The following BFSP2 variants were observed in gnomAD, a reference collection of about 807,000 sequenced individuals.
BFSP2 encodes beaded filament structural protein 2, also known as phakinin.
In BFSP2, 38 loss-of-function variants were observed where a neutral mutation model predicts 44.9. The observed-to-expected ratio is 0.85, with a 90% confidence interval of 0.65 to 1.11. The LOEUF is 1.11. Ranked by LOEUF, BFSP2 falls within the 50% of genes least tolerant of loss-of-function variation. The pLI is 0.00. For missense variants in BFSP2, 525 were observed against 533.0 expected (o/e 0.99, Z 0.15); for synonymous variants, 197 against 209.9 (o/e 0.94, Z 0.53).
At chr3:133,464,796 A>G (rs893827504) in intron 4 of BFSP2, among the ~76,000 whole-genome samples, 7 of 152,108 alleles carry the variant, frequency 4.6e-5, no homozygotes, top group Non-Finnish European at 7.4e-5. Flanking sequence ...TCTGTGTTCC[A>G]TGGGCAGAAA....
chr3:133,455,038 G>A (rs1323344371), intron 4 of BFSP2, among the ~76,000 whole-genome samples: 1 of 152,174 alleles, frequency 6.6e-6, no homozygotes, highest in Non-Finnish European at 1.5e-5. Context: ...TGACATGTGT[G>A]GAGCTTTCAG....
intron 4 of BFSP2, among the ~76,000 whole-genome samples, chr3:133,460,862 G>C (rs2074055937): frequency 6.6e-6 from 1 of 152,224 alleles, no homozygotes; most frequent in Admixed American, 6.5e-5. Flanking sequence ...CTCATATAAA[G>C]CAATTGATCA....
chr3:133,446,570 TTATATATATATATATATATATATATATA>T (rs1168844039), intron 1 of BFSP2, among the ~76,000 whole-genome samples: 228 of 22,346 alleles, frequency 0.01, no homozygotes, highest in Non-Finnish European at 0.022. Flanking sequence ...AGCTCACCAT[TTATATATATATATATATATATATATATA>T]TATATATATA....
chr3:133,400,936 T>G lies in BFSP2; in HGVS notation c.489+364T>G, dbSNP rs1441710507. ...ACCTGAATTTTTGTGCCTCCAAAGT[T>G]GCATTTGCCCCATTACCCTGGGGCT... On this transcript the variant is annotated intron_variant, in intron 1 of 6. Coordinates refer to ENST00000302334, the MANE Select transcript of BFSP2 (RefSeq NM_003571.4). The surrounding 1 kb of genome is among the most constrained non-coding windows in gnomAD (Gnocchi z 4.0). Among the ~76,000 whole-genome samples the G allele has an allele frequency of 6.6e-6, 1 of 152,326 alleles. No homozygotes were observed. The highest frequency in any genetic ancestry group is 6.5e-5 in the Admixed American group (1 of 15,298).
At chr3:133,465,292 C>T (rs532602598) in intron 4 of BFSP2, among the ~76,000 whole-genome samples, 1 of 152,012 alleles carries the variant, frequency 6.6e-6, no homozygotes, top group East Asian at 1.9e-4. Flanking sequence ...CAGGCATGAG[C>T]CACTGCACCC....
At chr3:133,456,022 T>C (rs2074009807) in intron 4 of BFSP2, among the ~76,000 whole-genome samples, 1 of 152,224 alleles carries the variant, frequency 6.6e-6, no homozygotes, top group Admixed American at 6.5e-5. Context: ...CTGCTGCAAC[T>C]GGTTGATGTA....
intron 1 of BFSP2, among the ~76,000 whole-genome samples, chr3:133,418,190 C>T (rs376110164): frequency 9.2e-5 from 14 of 152,176 alleles, no homozygotes; most frequent in Admixed American, 5.2e-4. Flanking sequence ...TCAGCTCCTA[C>T]TGCTAGCCCT....
At chr3:133,463,107 G>A (rs541867085) in intron 4 of BFSP2, among the ~76,000 whole-genome samples, 18 of 152,216 alleles carry the variant, frequency 1.2e-4, no homozygotes, top group African/African-American at 4.3e-4. Flanking sequence ...TCAGGATTTC[G>A]AGACCAGCCT....
intron 4 of BFSP2, among the ~76,000 whole-genome samples, chr3:133,459,049 G>A (rs931879717): frequency 6.6e-6 from 1 of 152,166 alleles, no homozygotes; most frequent in African/African-American, 2.4e-5. Context: ...CATAAAAAGT[G>A]TAAGGACTGG....
intron 4 of BFSP2, among the ~76,000 whole-genome samples, chr3:133,460,255 A>G (rs1041105196): frequency 3.3e-5 from 5 of 152,232 alleles, no homozygotes; most frequent in Admixed American, 6.5e-5. Context: ...AGCATTTTAT[A>G]GAGGAGGAAA....
At chr3:133,441,574 A>T (rs916621945) in intron 1 of BFSP2, among the ~76,000 whole-genome samples, 2 of 152,150 alleles carry the variant, frequency 1.3e-5, no homozygotes, top group African/African-American at 4.8e-5. Context: ...GGTTGGAGCT[A>T]GGTAAGAACC....
intron 2 of BFSP2, 88 bp from the exon 3 acceptor site, chr3:133,448,401 A>T: frequency 6.7e-7 from 1 of 1,487,332 alleles, no homozygotes; most frequent in Non-Finnish European, 9.3e-7. Context: ...TCTAACTATC[A>T]CATAATTGGC....
chr3:133,459,176 CA>C (rs907498890), intron 4 of BFSP2, among the ~76,000 whole-genome samples: 16 of 150,428 alleles, frequency 1.1e-4, no homozygotes, highest in African/African-American at 3.9e-4. Flanking sequence ...CCCACCTCTA[CA>C]AAAAAAAATG....
rs1050187100 is a variant in BFSP2, at chr3:133,436,348, C to A, written c.490-10969C>A. ...CTCAAAAAAAAAAAAAAAAAAAAAT[C>A]TATGTATTGTTTTTTCATAATACAC... On this transcript the variant is annotated intron_variant, in intron 1 of 6. Transcript: ENST00000302334. 1.6e-4 allele frequency among the ~76,000 whole-genome samples: 21 copies of A among 132,744 alleles called. No homozygotes were observed. In the East Asian group the frequency reaches 3.3e-3, roughly 21 times the overall value. 87.1% of individuals were successfully genotyped at this position (132,744 alleles called of 152,430 possible).
intron 4 of BFSP2, among the ~76,000 whole-genome samples, chr3:133,460,498 T>A (rs2074052434): frequency 6.6e-6 from 1 of 152,200 alleles, no homozygotes; most frequent in Non-Finnish European, 1.5e-5. Flanking sequence ...CCTCAAGCAA[T>A]CTTTCTGCTT....
rs59423121 is a variant in BFSP2 at position 133,422,796 on chromosome 3, A to G, written c.489+22224A>G. Reference sequence around the variant, plus strand: ...GAATATAGCCCAGGTGTTGCCAAATAGCAGGGTAGGGAGAAACTGTCCGGA... The same window carrying G: ...GAATATAGCCCAGGTGTTGCCAAATGGCAGGGTAGGGAGAAACTGTCCGGA... On this transcript the variant is annotated intron_variant, in intron 1 of 6. Coordinates refer to ENST00000302334, the MANE Select transcript of BFSP2 (RefSeq NM_003571.4). Among the ~76,000 whole-genome samples the G allele has an allele frequency of 2.8e-3, 419 of 150,506 alleles. 4 individuals are homozygous for G. The highest frequency in any genetic ancestry group is 8.7e-3 in the African/African-American group (355 of 40,914).
At chr3:133,408,509 T>A (rs2073422866) in intron 1 of BFSP2, among the ~76,000 whole-genome samples, 1 of 152,238 alleles carries the variant, frequency 6.6e-6, no homozygotes, top group Admixed American at 6.5e-5. Flanking sequence ...GCAGTCCTGT[T>A]TCTAGGACAC....
chr3:133,410,321 G>T, intron 1 of BFSP2: 1 of 368,782 alleles, frequency 2.7e-6, no homozygotes, highest in South Asian at 2.1e-5. Context: ...GCAGGTGGCA[G>T]CAGTGGCACT....
intron 4 of BFSP2, among the ~76,000 whole-genome samples, chr3:133,456,526 C>T (rs992844402): frequency 3.3e-5 from 5 of 152,104 alleles, no homozygotes; most frequent in Admixed American, 6.5e-5. Flanking sequence ...GTGGGCAGAT[C>T]GCTTGAGCCC....
Sources: gnomAD v4.1 joint callset for allele counts (sites outside exome capture counted in the v4.1 genomes callset) on GRCh38, gnomAD v4.1.1 for gene constraint, Gnocchi (gnomAD v3.1) non-coding constraint, MANE v1.5 for transcripts, NCBI Gene and HGNC (gene_info 2026-07-23, HGNC 2026-07-21) for gene names.